DSCAML1: variants seen among roughly 807,000 people sequenced by gnomAD.
The protein encoded by DSCAML1 is DS cell adhesion molecule like 1.
In DSCAML1, 38 loss-of-function variants were observed where a neutral mutation model predicts 200.5. The ratio of observed to expected loss-of-function variants is 0.19; its 90% confidence interval spans 0.15 to 0.25. The LOEUF (loss-of-function observed/expected upper bound fraction) is 0.25, where lower values mean the gene tolerates loss of function less well. DSCAML1 is among the 10% of genes least tolerant of loss of function. DSCAML1 has a pLI of 1.00. For synonymous variants in DSCAML1, 1,215 were observed against 1,165.0 expected, an observed-to-expected ratio of 1.04 and a Z score of -0.87; for missense variants, 2,223 against 2,858.8, an observed-to-expected ratio of 0.78 and a Z score of 5.07.
At chr11:117,533,274 TTACAACTGTTC>T (rs1350544030) in intron 3 of DSCAML1, among the ~76,000 whole-genome samples, 4 of 152,232 alleles carry the variant, frequency 2.6e-5, no homozygotes, top group African/African-American at 9.6e-5. Flanking sequence ...TCATTGGCTT[TTACAACTGTTC>T]GAGATGCTAA....
At chr11:117,787,345 A>T (rs1443767556) in intron 1 of DSCAML1, among the ~76,000 whole-genome samples, 1 of 152,266 alleles carries the variant, frequency 6.6e-6, no homozygotes, top group Non-Finnish European at 1.5e-5. Context: ...CATTATCATT[A>T]TAGCAGGCAA....
chr11:117,814,971 C>G (rs1437984526), intron 1 of DSCAML1, among the ~76,000 whole-genome samples: 1 of 152,184 alleles, frequency 6.6e-6, no homozygotes. Flanking sequence ...GGCACGCACT[C>G]GGTTACTGAT....
chr11:117,428,425 C>A lies in DSCAML1; in HGVS notation c.6065G>T (p.Gly2022Val), dbSNP rs777321533. The change falls in exon 33 of 33, where the codon GGC becomes GTC. Residue 2022 changes from glycine to valine, a missense_variant. Around this residue, in one of 7 missense-constraint regions of DSCAML1, gnomAD observed 280 missense variants for 213.4 expected, o/e 1.31. Coordinates refer to ENST00000651296, the MANE Select transcript of DSCAML1 (RefSeq NM_020693.4). ...RAGGPHTKMG[G>V]SRDSLLEMST... ...CATCTCGAGAAGCGAGTCCCTGGAG[C>A]CCCCCATTTTGGTGTGTGGGCCCCC... 2 of 1,552,740 alleles carry A rather than the reference C, an allele frequency of 1.3e-6. No homozygotes were observed. Among genetic ancestry groups the A allele is most frequent in the Non-Finnish European group, 1.7e-6 (2 of 1,153,366 alleles).
intron 1 of DSCAML1, among the ~76,000 whole-genome samples, chr11:117,816,800 G>GC (rs1001618275): frequency 1.9e-5 from 2 of 105,752 alleles, no homozygotes; most frequent in Admixed American, 9.5e-5. Flanking sequence ...GGAATTGCTG[G>GC]GGGGGTGGGG....
At chr11:117,527,402 G>T (rs2049995774) in intron 4 of DSCAML1, among the ~76,000 whole-genome samples, 1 of 152,170 alleles carries the variant, frequency 6.6e-6, no homozygotes, top group Non-Finnish European at 1.5e-5. Context: ...CCTCAAGGCA[G>T]CGTTAAACCG....
chr11:117,768,318 T>G (rs749540927), intron 3 of DSCAML1, among the ~76,000 whole-genome samples: 1 of 152,334 alleles, frequency 6.6e-6, no homozygotes, highest in Middle Eastern at 3.4e-3. Context: ...ATTCAGTTAT[T>G]ATCATGGAAT....
At chr11:117,740,267 A>C (rs1282603889) in intron 3 of DSCAML1, among the ~76,000 whole-genome samples, 2 of 152,190 alleles carry the variant, frequency 1.3e-5, no homozygotes, top group Admixed American at 6.5e-5. Context: ...ACAGGCTTAG[A>C]GAGGATGCAG....
At chr11:117,604,248 T>C (rs2051521052) in intron 3 of DSCAML1, among the ~76,000 whole-genome samples, 1 of 152,210 alleles carries the variant, frequency 6.6e-6, no homozygotes, top group African/African-American at 2.4e-5. Context: ...TTCATCTATT[T>C]GATGGACCAG....
At position 117,503,755 on chromosome 11, in the gene DSCAML1, C is replaced by T. The variant is rs2298767; in HGVS notation, c.2359+90G>A. ...TGCCTCCCCTTCATAGATGAAACGA[C>T]GGAGACTAAGAGAGTAGGCAGGGAG... On this transcript the variant is annotated intron_variant, in intron 11 of 32. Coordinates refer to ENST00000651296, the MANE Select transcript of DSCAML1 (RefSeq NM_020693.4). The surrounding 1 kb of genome is among the most constrained non-coding windows in gnomAD (Gnocchi z 5.2). The T allele has an allele frequency of 0.11, 148,016 of 1,407,110 alleles. 8,628 individuals are homozygous for T. Among genetic ancestry groups the T allele is most frequent in the Non-Finnish European group, 0.12 (122,828 of 1,042,176 alleles). 87.2% of individuals were successfully genotyped at this position (1,407,110 alleles called of 1,614,324 possible). A position where few individuals can be genotyped will look rare whatever the true frequency, so the allele number is the denominator to read the frequency against.
intron 3 of DSCAML1, among the ~76,000 whole-genome samples, chr11:117,694,057 TTA>T (rs35313833): frequency 2.7e-3 from 316 of 116,620 alleles, no homozygotes; most frequent in Middle Eastern, 0.013. Context: ...GGTTCTATCT[TTA>T]TATATATATA....
In DSCAML1 at chr11:117,463,368, T is replaced by TA. The variant is rs1328198694; in HGVS notation, c.3265+1573_3265+1574insT. Reference sequence around the variant, plus strand: ...ACTTATTAGAAATAATACATCCTTTTTTTTTTTTTTTTAGAGATGGGGTCT... The same window carrying TA: ...ACTTATTAGAAATAATACATCCTTTTATTTTTTTTTTTTAGAGATGGGGTCT... On this transcript the variant is annotated intron_variant, in intron 17 of 32. Coordinates refer to ENST00000651296, the MANE Select transcript of DSCAML1 (RefSeq NM_020693.4). The surrounding 1 kb of genome is among the most constrained non-coding windows in gnomAD (Gnocchi z 4.0). Among the ~76,000 whole-genome samples the TA allele has an allele frequency of 5.2e-3, 794 of 151,970 alleles. 8 individuals carry two copies. The highest frequency in any genetic ancestry group is 0.018 in the African/African-American group (755 of 41,464).
intron 3 of DSCAML1, among the ~76,000 whole-genome samples, chr11:117,667,367 G>T (rs1261756432): frequency 1.3e-5 from 2 of 152,158 alleles, no homozygotes; most frequent in African/African-American, 4.8e-5. Context: ...AGCCAAGATG[G>T]CACCACTGCA....
chr11:117,750,821 C>T (rs2054593619), intron 3 of DSCAML1, among the ~76,000 whole-genome samples: 1 of 152,194 alleles, frequency 6.6e-6, no homozygotes, highest in Non-Finnish European at 1.5e-5. Context: ...AGAGACTATA[C>T]ACCAGGACCA....
At chr11:117,602,598 T>A (rs536949108) in intron 3 of DSCAML1, among the ~76,000 whole-genome samples, 1 of 152,098 alleles carries the variant, frequency 6.6e-6, no homozygotes, top group East Asian at 1.9e-4. Context: ...TAAGCTCAAG[T>A]GATCTGCCTG....
In DSCAML1 at chr11:117,516,197, T is replaced by A. The variant is rs371112868; in HGVS notation, c.1783+270A>T. On this transcript the variant is annotated intron_variant, in intron 8 of 32. Coordinates refer to ENST00000651296, the MANE Select transcript of DSCAML1 (RefSeq NM_020693.4). This position sits in a 1 kb window ranked among gnomAD's most constrained non-coding sequence, Gnocchi z 5.7. ...CCCAGAAGGCAGCCTGCCTCCTTTA[T>A]CTGTAACTCACCCTCTCATGCACCT... Among the ~76,000 whole-genome samples the A allele has an allele frequency of 2.0e-5, 3 of 152,304 alleles. No homozygotes were observed. Among genetic ancestry groups the A allele is most frequent in the East Asian group, 1.9e-4 (1 of 5,176 alleles).
Position 117,518,777 on chromosome 11 carries a change from A to T in DSCAML1, c.1214-15T>A. ...GGGCGTGCCATCTGCAGGGAGCGAG[A>T]AGCCCCCTTCAGGGTCACCAAGCCA... On this transcript the variant is annotated splice_polypyrimidine_tract_variant and intron_variant, in intron 6 of 32. Coordinates refer to ENST00000651296, the MANE Select transcript of DSCAML1 (RefSeq NM_020693.4). This position sits in a 1 kb window ranked among gnomAD's most constrained non-coding sequence, Gnocchi z 6.3. 1 of 1,605,068 alleles carries T rather than the reference A, an allele frequency of 6.2e-7. No individual in the cohort carries two copies. The highest frequency in any genetic ancestry group is 8.5e-7 in the Non-Finnish European group (1 of 1,178,166).
chr11:117,474,563 C>T (rs2048750866), intron 14 of DSCAML1, among the ~76,000 whole-genome samples: 1 of 152,142 alleles, frequency 6.6e-6, no homozygotes, highest in Admixed American at 6.5e-5. Flanking sequence ...GTTGACGGCT[C>T]ATCTTGGATG....
chr11:117,550,028 C>A (rs1282913523), intron 3 of DSCAML1, among the ~76,000 whole-genome samples: 1 of 152,174 alleles, frequency 6.6e-6, no homozygotes, highest in Admixed American at 6.6e-5. Flanking sequence ...ACCTCTTCTC[C>A]CTTGTCTCCT....
At chr11:117,679,290 A>G (rs2053272263) in intron 3 of DSCAML1, among the ~76,000 whole-genome samples, 1 of 152,218 alleles carries the variant, frequency 6.6e-6, no homozygotes, top group Non-Finnish European at 1.5e-5. Flanking sequence ...ACCAGGATTC[A>G]TGAACCAGGC....
Sources: allele counts gnomAD v4.1 joint callset (sites outside exome capture counted in the v4.1 genomes callset), GRCh38; gene constraint gnomAD v4.1.1; regional missense constraint gnomAD v4.1.1; non-coding constraint Gnocchi (gnomAD v3.1); transcripts MANE v1.5; gene names NCBI Gene and HGNC (gene_info 2026-07-23, HGNC 2026-07-21).